The following CYB561A3 variants were observed in gnomAD, a reference collection of about 807,000 sequenced individuals.
The protein encoded by CYB561A3 is cytochrome b561 family member A3.
In CYB561A3, 16 loss-of-function variants were observed where a neutral mutation model predicts 25.3. That is an observed-to-expected ratio of 0.63 (90% CI 0.43 to 0.96). The LOEUF (loss-of-function observed/expected upper bound fraction) is 0.96. Ranked by LOEUF, CYB561A3 falls within the 40% of genes least tolerant of loss-of-function variation. The pLI, the probability that CYB561A3 is intolerant of heterozygous loss-of-function variation, is 0.00. For missense variants in CYB561A3, 219 were observed against 307.5 expected, an observed-to-expected ratio of 0.71 and a Z score of 2.15; for synonymous variants, 131 against 129.9, an observed-to-expected ratio of 1.01 and a Z score of -0.06.
chr11:61,355,302 C>T (rs753152104), intron 3 of CYB561A3, among the ~76,000 whole-genome samples: 14 of 152,116 alleles, frequency 9.2e-5, no homozygotes, highest in African/African-American at 1.4e-4. Context: ...TCAATGGCAT[C>T]GTATTGCCAT....
chr11:61,349,688 A>C lies in CYB561A3; in HGVS notation c.*711T>G, dbSNP rs1449708105. 2 of 702,022 alleles carry C rather than the reference A, an allele frequency of 2.8e-6. No homozygotes were observed. Among genetic ancestry groups the C allele is most frequent in the Non-Finnish European group, 5.2e-6 (2 of 384,612 alleles). The allele number at this position is 702,022 out of a possible 1,614,324, so 43.5% of individuals were successfully genotyped here. A position where few individuals can be genotyped will look rare whatever the true frequency, so the allele number is the denominator to read the frequency against. ...ACGGTCACAATACATGCAGACACAG[A>C]GCAGCAATACGAAACAGAACAGCTC... On this transcript the variant is annotated 3_prime_UTR_variant, in exon 7 of 7. Transcript: ENST00000294072.
At chr11:61,354,027 C>G (rs373140276) in intron 3 of CYB561A3, 35 bp from the exon 4 acceptor site, 33 of 1,609,870 alleles carry the variant, frequency 2.0e-5, no homozygotes, top group East Asian at 1.8e-4. Context: ...CTCAGCCTCT[C>G]CCCTCGAGCT....
rs1224851977 is a variant in CYB561A3, at chr11:61,351,103, A to T, written c.593T>A (p.Val198Asp). 6.2e-7 allele frequency: 1 copy of T among 1,613,576 alleles called. No homozygotes were observed. Among genetic ancestry groups the T allele is most frequent in the East Asian group, 2.2e-5 (1 of 44,862 alleles). The change falls in exon 6 of 7, where the codon GTC (valine) becomes GAC (aspartate). Residue 198 changes from valine (V) to aspartate (D), a missense_variant. Coordinates refer to ENST00000294072, the MANE Select transcript of CYB561A3 (RefSeq NM_153611.6). ...CAGCATCCCGGTGCTGTTGGCAAAG[A>T]CCGCCTCACTGGGCAGGCTGTGGTA... is the stretch of plus-strand genomic sequence containing the variant. ...RPYHSLPSEA[V>D]FANSTGMLVV...
intron 4 of CYB561A3, 142 bp from the exon 5 acceptor site, chr11:61,353,281 G>T (rs555813458): frequency 1.8e-6 from 2 of 1,082,522 alleles, no homozygotes. Flanking sequence ...GCCCACTACC[G>T]TGCTAGCTTC....
At chr11:61,357,074 C>T (rs1011162981) in intron 2 of CYB561A3, 1 of 1,414,438 alleles carries the variant, frequency 7.1e-7, no homozygotes, top group African/African-American at 1.4e-5. Context: ...GAATTACCAC[C>T]CCATACCCCC....
At chr11:61,353,527 A>C in intron 4 of CYB561A3, 1 of 682,854 alleles carries the variant, frequency 1.5e-6, no homozygotes, top group Non-Finnish European at 2.7e-6. Flanking sequence ...TAGAGTCAGC[A>C]TAGTGCGTGC....
chr11:61,350,993 G>C lies in CYB561A3; in HGVS notation c.703C>G (p.Gln235Glu), dbSNP rs1301735348. The change falls in exon 6 of 7, where the codon CAG becomes GAG. Residue 235 changes from glutamine to glutamate, a missense_variant and splice_region_variant. By Grantham distance (29) the Gln-to-Glu change is conservative (BLOSUM62 2). Coordinates refer to ENST00000294072, the MANE Select transcript of CYB561A3 (RefSeq NM_153611.6). ...GAATGTGGGACTGGAACCCATACCT[G>C]TCTGTCGGTCAGGATCCCCGGCTCT... ...RPEPGILTDR[Q>E]PLLHDGE 6.2e-6 allele frequency: 10 copies of C among 1,613,228 alleles called. No homozygotes were observed. The highest frequency in any genetic ancestry group is 1.7e-5 in the Admixed American group (1 of 59,872).
chr11:61,352,683 G>T, intron 5 of CYB561A3: 1 of 640,380 alleles, frequency 1.6e-6, no homozygotes, highest in Non-Finnish European at 2.2e-6. Context: ...AAAAGAAAAT[G>T]GCAATGACAA....
chr11:61,353,881 A>G lies in CYB561A3; in HGVS notation c.296T>C (p.Val99Ala). 2 of 1,614,178 alleles carry G rather than the reference A, an allele frequency of 1.2e-6. No individual in the cohort carries two copies. The highest frequency in any genetic ancestry group is 1.6e-4 in the Middle Eastern group (1 of 6,062). Residue 99 changes from valine to alanine, a missense_variant, in exon 4 of 7, where the codon GTT becomes GCT. Coordinates refer to ENST00000294072, the MANE Select transcript of CYB561A3 (RefSeq NM_153611.6). ...MAFVLTVVGL[V>A]AVFTFHNHGR... is the part of the protein sequence containing the mutation. ...ATGGTTGTGAAACGTAAAGACAGCAACCAGCCCCACAACAGTGAGGACGAA... is the reference window on the plus strand; with the variant it reads ...ATGGTTGTGAAACGTAAAGACAGCAGCCAGCCCCACAACAGTGAGGACGAA...
In CYB561A3 at chr11:61,349,365, C is replaced by T; in HGVS notation, c.*1034G>A. 3.5e-6 allele frequency: 2 copies of T among 577,768 alleles called. No individual in the cohort carries two copies. The highest frequency in any genetic ancestry group is 6.3e-6 in the Non-Finnish European group (2 of 318,886). The allele number at this position is 577,768 out of a possible 1,614,324, so 35.8% of individuals were successfully genotyped here. A position where few individuals can be genotyped will look rare whatever the true frequency, so the allele number is the denominator to read the frequency against. On this transcript the variant is annotated 3_prime_UTR_variant, in exon 7 of 7. Transcript: ENST00000294072. ...TGCACACTGGACACCACAACTTTGG[C>T]ATCAGCTGCATGGTGAGCTGCAGAG... is the stretch of plus-strand genomic sequence containing the variant.
At chr11:61,351,203 T>C in intron 5 of CYB561A3, 56 bp from the exon 6 acceptor site, 1 of 1,540,206 alleles carries the variant, frequency 6.5e-7, no homozygotes, top group South Asian at 1.2e-5. Context: ...TATTTTTGTC[T>C]AGTGGGAGAC....
rs1268782577 is a variant in CYB561A3, at chr11:61,356,553, C to T, written c.161G>A (p.Gly54Asp). The T allele has an allele frequency of 6.2e-7, 1 of 1,613,998 alleles. No homozygotes were observed. The highest frequency in any genetic ancestry group is 2.2e-5 in the East Asian group (1 of 44,908). ...ACCACCTCCATAGAATACCACCATG[C>T]CAGCAACCATAAGCACTGGGTGCCA... Reference protein sequence around the residue: ...FNWHPVLMVAGMVVFYGGASL... With the variant: ...FNWHPVLMVADMVVFYGGASL... Residue 54 changes from glycine to aspartate, a missense_variant, in exon 3 of 7, where the codon GGC becomes GAC. Physicochemically the swap from Gly to Asp is moderately conservative, Grantham distance 94 (BLOSUM62 -1). Transcript: ENST00000294072.
At position 61,353,873 on chromosome 11, in the gene CYB561A3, A is replaced by G; in HGVS notation, c.304T>C (p.Phe102Leu). The change falls in exon 4 of 7, where the codon TTT becomes CTT. Residue 102 changes from phenylalanine (F) to leucine (L), a missense_variant. By Grantham distance (22) the Phe-to-Leu change is conservative. Coordinates refer to ENST00000294072, the MANE Select transcript of CYB561A3 (RefSeq NM_153611.6). ...VLTVVGLVAV[F>L]TFHNHGRTAN... ...GTCCTTCCATGGTTGTGAAACGTAA[A>G]GACAGCAACCAGCCCCACAACAGTG... The G allele has an allele frequency of 6.2e-7, 1 of 1,614,164 alleles. No individual in the cohort carries two copies. Among genetic ancestry groups the G allele is most frequent in the Non-Finnish European group, 8.5e-7 (1 of 1,180,026 alleles).
intron 1 of CYB561A3, chr11:61,360,077 TAAAA>T: frequency 7.1e-6 from 1 of 141,064 alleles, no homozygotes; most frequent in Non-Finnish European, 1.6e-5. Flanking sequence ...CCTCATCTCT[TAAAA>T]AAAAAAAAAA....
intron 5 of CYB561A3, 43 bp from the exon 6 acceptor site, chr11:61,351,190 ACCTATTTTTG>A: frequency 6.4e-7 from 1 of 1,556,122 alleles, no homozygotes; most frequent in Non-Finnish European, 8.7e-7. Context: ...AGATTTTTCC[ACCTATTTTTG>A]TCTAGTGGGA....
intron 6 of CYB561A3, 42 bp from the exon 7 acceptor site, chr11:61,350,464 C>T (rs371944918): frequency 1.2e-6 from 2 of 1,606,906 alleles, no homozygotes; most frequent in Non-Finnish European, 8.5e-7. Flanking sequence ...TGACATGATG[C>T]AGGAGTCACA....
chr11:61,349,819 G>A lies in CYB561A3; in HGVS notation c.*580C>T. On this transcript the variant is annotated 3_prime_UTR_variant, in exon 7 of 7. Transcript: ENST00000294072. ...CCTCACATCCAGATGGGGCTGGATGGCAGAGCAGATGAAGCCTGCTCTGTG... is the reference window on the plus strand; with the variant it reads ...CCTCACATCCAGATGGGGCTGGATGACAGAGCAGATGAAGCCTGCTCTGTG... 5.0e-6 allele frequency: 3 copies of A among 602,898 alleles called. No homozygotes were observed. Among genetic ancestry groups the A allele is most frequent in the East Asian group, 2.8e-5 (1 of 35,232 alleles). 37.3% of individuals were successfully genotyped at this position (602,898 alleles called of 1,614,324 possible). A position where few individuals can be genotyped will look rare whatever the true frequency, so the allele number is the denominator to read the frequency against.
intron 2 of CYB561A3, chr11:61,356,934 C>G: frequency 6.9e-7 from 1 of 1,448,090 alleles, no homozygotes; most frequent in Non-Finnish European, 9.0e-7. Flanking sequence ...GAGGCCCCAC[C>G]CCAGCACCTG....
At chr11:61,361,084 T>C (rs1234215935) in intron 1 of CYB561A3, 1 of 152,222 alleles carries the variant, frequency 6.6e-6, no homozygotes, top group Non-Finnish European at 1.5e-5. Context: ...AAAATCAGTT[T>C]GTTGCTCTCC....
Sources: allele counts gnomAD v4.1 joint callset (sites outside exome capture counted in the v4.1 genomes callset), GRCh38; gene constraint gnomAD v4.1.1; transcripts MANE v1.5; gene names NCBI Gene and HGNC (gene_info 2026-07-23, HGNC 2026-07-21).